MAP3K9: variants seen among roughly 807,000 people sequenced by gnomAD.
MAP3K9 encodes the protein mixed lineage kinase 1 (tyr and ser/thr specificity).
Under a neutral mutation model 95.8 loss-of-function variants are expected in MAP3K9, and 46 were observed. That is an observed-to-expected ratio of 0.48 (90% CI 0.38 to 0.61). The LOEUF (loss-of-function observed/expected upper bound fraction) is 0.61. MAP3K9 is among the 20% of genes least tolerant of loss of function. The probability of loss-of-function intolerance (pLI) is 0.00; values close to 1 mark genes in which losing one functional copy is unlikely to be tolerated. For synonymous variants in MAP3K9, 533 were observed against 593.8 expected (o/e 0.90, Z 1.49); for missense variants, 1,296 against 1,474.3 (o/e 0.88, Z 1.98).
chr14:70,777,051 G>A (rs949003113), intron 2 of MAP3K9, among the ~76,000 whole-genome samples: 8 of 151,260 alleles, frequency 5.3e-5, no homozygotes, highest in South Asian at 2.1e-4. Context: ...GGCTGGTCTC[G>A]AACTCCTTAC....
chr14:70,764,192 C>CA lies in MAP3K9; in HGVS notation c.821-3011dup, dbSNP rs71105731. Among the ~76,000 whole-genome samples the CA allele has an allele frequency of 2.0e-3, 61 of 29,854 alleles. 5 individuals are homozygous for CA. The highest frequency in any genetic ancestry group is 0.01 in the East Asian group (13 of 1,274). The allele number at this position is 29,854 out of a possible 152,430, so 19.6% of individuals were successfully genotyped here. A position where few individuals can be genotyped will look rare whatever the true frequency, so the allele number is the denominator to read the frequency against. On this transcript the variant is annotated intron_variant, in intron 2 of 11. Coordinates refer to ENST00000554752, the MANE Select transcript of MAP3K9 (RefSeq NM_001284230.2). ...TGGGCGACAGAGCGAGACTCCGTCT[C>CA]AAAAAAAAAAAAAAAAAGTTAACTG... is the stretch of plus-strand genomic sequence containing the variant.
chr14:70,779,453 C>T (rs2054645027), intron 2 of MAP3K9, among the ~76,000 whole-genome samples: 2 of 152,188 alleles, frequency 1.3e-5, no homozygotes, highest in East Asian at 3.8e-4. Context: ...ATTAATTTCA[C>T]ATACACGGAG....
rs139269521 is a variant in MAP3K9, at chr14:70,802,847, T to A, written c.407-1767A>T. Reference sequence around the variant, plus strand: ...AAACATTTTGTAGGTAACCAAGAGATCCTTGAAATAAAATGGAAAAAAAAT... The same window carrying A: ...AAACATTTTGTAGGTAACCAAGAGAACCTTGAAATAAAATGGAAAAAAAAT... On this transcript the variant is annotated intron_variant, in intron 1 of 11. Transcript: ENST00000554752. 1.4e-3 allele frequency among the ~76,000 whole-genome samples: 206 copies of A among 152,230 alleles called. 2 individuals carry two copies. The highest frequency in any genetic ancestry group is 4.5e-3 in the African/African-American group (186 of 41,550).
At chr14:70,735,874 G>T in intron 9 of MAP3K9, 87 bp downstream of exon 9, 1 of 1,068,384 alleles carries the variant, frequency 9.4e-7, no homozygotes, top group Non-Finnish European at 1.5e-6. Context: ...AACGAGGCTT[G>T]ATTCTATGGG....
chr14:70,753,493 G>A (rs1299503459), intron 3 of MAP3K9, among the ~76,000 whole-genome samples: 1 of 152,196 alleles, frequency 6.6e-6, no homozygotes. Flanking sequence ...AGAAATACAA[G>A]TTTACGTGGA....
intron 5 of MAP3K9, among the ~76,000 whole-genome samples, chr14:70,747,263 A>C (rs1023121512): frequency 6.6e-6 from 1 of 152,146 alleles, no homozygotes. Flanking sequence ...GAGATAATTG[A>C]ATCATGGGGG....
chr14:70,750,158 G>A, intron 3 of MAP3K9, 77 bp from the exon 4 acceptor site: 2 of 1,274,532 alleles, frequency 1.6e-6, no homozygotes, highest in Non-Finnish European at 2.2e-6. Context: ...AGTCTTTTCT[G>A]AGCATCCCAC....
Position 70,773,989 on chromosome 14 carries a change from T to C in MAP3K9, c.821-12807A>G, listed in dbSNP as rs566952307. 2.6e-5 allele frequency among the ~76,000 whole-genome samples: 4 copies of C among 152,326 alleles called. No homozygotes were observed. The South Asian group carries it at 8.3e-4, about 32-fold the overall frequency. ...CAAAACAGACACAGACATATCAAAA[T>C]TGCAAATCTAAACCAAAACCAAGAT... On this transcript the variant is annotated intron_variant, in intron 2 of 11. Coordinates refer to ENST00000554752, the MANE Select transcript of MAP3K9 (RefSeq NM_001284230.2).
intron 1 of MAP3K9, among the ~76,000 whole-genome samples, chr14:70,804,234 C>T (rs1396891667): frequency 1.3e-5 from 2 of 152,336 alleles, no homozygotes; most frequent in Non-Finnish European, 2.9e-5. Context: ...AGCCTCTTCT[C>T]TCAGCCCTTC....
intron 2 of MAP3K9, among the ~76,000 whole-genome samples, chr14:70,769,966 A>G (rs2054508918): frequency 6.6e-6 from 1 of 152,190 alleles, no homozygotes; most frequent in Non-Finnish European, 1.5e-5. Context: ...ATGGAGGAGT[A>G]AAAATACTGC....
intron 3 of MAP3K9, among the ~76,000 whole-genome samples, chr14:70,753,852 A>C (rs930388379): frequency 6.6e-6 from 1 of 151,920 alleles, no homozygotes; most frequent in African/African-American, 2.4e-5. Context: ...TTTTTTTTTC[A>C]AAGTGAGGAA....
At chr14:70,758,550 T>A (rs1050245621) in intron 3 of MAP3K9, among the ~76,000 whole-genome samples, 1 of 152,150 alleles carries the variant, frequency 6.6e-6, no homozygotes, top group Non-Finnish European at 1.5e-5. Context: ...CTCCTAGGGA[T>A]AGACCCAAGA....
At chr14:70,765,347 T>C (rs2054435630) in intron 2 of MAP3K9, 1 of 438,652 alleles carries the variant, frequency 2.3e-6, no homozygotes, top group Non-Finnish European at 4.0e-6. Flanking sequence ...GTTTTCTTTA[T>C]AAATTTAGTG....
chr14:70,758,855 T>A (rs1470855355), intron 3 of MAP3K9, among the ~76,000 whole-genome samples: 5 of 151,996 alleles, frequency 3.3e-5, no homozygotes, highest in Admixed American at 6.6e-5. Flanking sequence ...CTCTGCCTCC[T>A]GGGTTCAAGC....
intron 7 of MAP3K9, 101 bp from the exon 8 acceptor site, chr14:70,738,499 C>T (rs1369684408): frequency 3.6e-6 from 4 of 1,102,660 alleles, no homozygotes; most frequent in Non-Finnish European, 5.3e-6. Flanking sequence ...TTTGGAGCTG[C>T]AGGGAAGTTA....
intron 3 of MAP3K9, among the ~76,000 whole-genome samples, chr14:70,756,844 T>C (rs2054305552): frequency 6.6e-6 from 1 of 152,234 alleles, no homozygotes; most frequent in African/African-American, 2.4e-5. Flanking sequence ...TCCATATCTG[T>C]ATGCCTCTTT....
chr14:70,794,013 C>G (rs1250999600), intron 2 of MAP3K9, among the ~76,000 whole-genome samples: 1 of 152,176 alleles, frequency 6.6e-6, no homozygotes, highest in Non-Finnish European at 1.5e-5. Flanking sequence ...CAAATGATGA[C>G]TTAGCACTGA....
In MAP3K9 at chr14:70,734,373, G is replaced by A. The variant is rs201186019; in HGVS notation, c.2026+13C>T. ...GGGAGACAGCCAAGACTCTCAAGAG[G>A]AGCTATGCTTACCCATCTCCATAAG... On this transcript the variant is annotated intron_variant, in intron 10 of 11. Transcript: ENST00000554752. The A allele has an allele frequency of 9.8e-5, 155 of 1,580,350 alleles. 1 individual carries two copies. The East Asian group carries it at 3.4e-3, about 34-fold the overall frequency.
intron 2 of MAP3K9, among the ~76,000 whole-genome samples, chr14:70,770,637 G>A (rs1182865280): frequency 6.6e-6 from 1 of 152,198 alleles, no homozygotes; most frequent in East Asian, 1.9e-4. Context: ...ACAGCCAAGA[G>A]CAGATACAAT....
Sources: gnomAD v4.1 joint callset for allele counts (sites outside exome capture counted in the v4.1 genomes callset) on GRCh38, gnomAD v4.1.1 for gene constraint, MANE v1.5 for transcripts, NCBI Gene and HGNC (gene_info 2026-07-23, HGNC 2026-07-21) for gene names.